DMD: variants seen among roughly 807,000 people sequenced by gnomAD.
The protein encoded by DMD is dystrophin.
DMD carries 63 observed loss-of-function variants against 330.1 expected under a neutral mutation model. The ratio of observed to expected loss-of-function variants is 0.19; its 90% confidence interval spans 0.16 to 0.24. DMD has a LOEUF of 0.24. Among genes scored for constraint, DMD ranks in the 10% least tolerant of loss-of-function variants. The pLI, the probability that DMD is intolerant of heterozygous loss-of-function variation, is 1.00. For missense variants in DMD, 3,344 were observed against 2,684.1 expected (o/e 1.25, Z -5.43); for synonymous variants, 1,223 against 959.8 (o/e 1.27, Z -5.07).
At chrX:31,544,415 G>T (rs1044877144) in intron 55 of DMD, among the ~76,000 whole-genome samples, 1 of 110,540 alleles carries the variant, frequency 9.0e-6, no homozygotes, top group African/African-American at 3.3e-5. Flanking sequence ...AAGCAGGATG[G>T]TCACTCTCAC....
At chrX:32,932,747 GGTTACA>G (rs1399384304) in intron 2 of DMD, among the ~76,000 whole-genome samples, 1 of 111,658 alleles carries the variant, frequency 9.0e-6, no homozygotes, top group African/African-American at 3.3e-5. Flanking sequence ...CAGATCTGCT[GGTTACA>G]GGGTGTATCT....
intron 45 of DMD, among the ~76,000 whole-genome samples, chrX:31,960,197 A>G (rs2095289571): frequency 1.8e-5 from 2 of 110,955 alleles, no homozygotes; most frequent in South Asian, 7.8e-4. Flanking sequence ...AATTTTAATA[A>G]TAAGAATAAC....
At chrX:32,513,455 A>T (rs760689664) in intron 18 of DMD, among the ~76,000 whole-genome samples, 15 of 112,156 alleles carry the variant, frequency 1.3e-4, no homozygotes, top group Non-Finnish European at 2.4e-4. Context: ...AGCTTTAATC[A>T]GGGTTTTGGT....
rs187552993 is a variant in DMD, at chrX:32,472,505, T to G, written c.2804-196A>C. Among the ~76,000 whole-genome samples, 488 of 111,844 alleles carry G rather than the reference T, an allele frequency of 4.4e-3. 3 individuals carry two copies. The highest frequency in any genetic ancestry group is 0.015 in the African/African-American group (463 of 30,788). The stretch of plus-strand genomic sequence containing the variant: ...TGTAATATGCCAGGGACCTTACACA[T>G]ATTACATTAAATTCACAAATCAGCC... On this transcript the variant is annotated intron_variant, in intron 21 of 78. Transcript: ENST00000357033.
intron 41 of DMD, among the ~76,000 whole-genome samples, chrX:32,321,781 G>C (rs891191623): frequency 2.7e-5 from 3 of 111,642 alleles, no homozygotes; most frequent in Non-Finnish European, 5.6e-5. Context: ...CTTTGACTTA[G>C]GCATGAGAGA....
intron 43 of DMD, among the ~76,000 whole-genome samples, chrX:32,224,746 C>T (rs1281226124): frequency 9.0e-6 from 1 of 111,200 alleles, no homozygotes; most frequent in African/African-American, 3.3e-5. Flanking sequence ...CCTAATCCTC[C>T]CTAGGTTGTG....
intron 11 of DMD, among the ~76,000 whole-genome samples, chrX:32,616,930 C>A (rs1249516689): frequency 6.4e-5 from 7 of 109,463 alleles, no homozygotes; most frequent in Non-Finnish European, 1.1e-4. Context: ...TGTTCCTTAT[C>A]TGTGAACTAC....
intron 1 of DMD, among the ~76,000 whole-genome samples, chrX:33,051,075 A>G (rs974625054): frequency 8.9e-6 from 1 of 112,022 alleles, no homozygotes; most frequent in Non-Finnish European, 1.9e-5. Flanking sequence ...CTTTACACCC[A>G]TAATGTAAGT....
rs574386387 is a variant in DMD, at chrX:32,471,658, A to C, written c.2949+506T>G. Among the ~76,000 whole-genome samples, 9 of 112,170 alleles carry C rather than the reference A, an allele frequency of 8.0e-5. No homozygotes were observed. The South Asian group carries it at 3.4e-3, about 42-fold the overall frequency. ...TTATAAGTAATCCAGAGATGAGTTA[A>C]AGTATATGGGAGCATGTTCATAAGT... On this transcript the variant is annotated intron_variant, in intron 22 of 78. Transcript: ENST00000357033.
At chrX:32,880,687 G>A (rs1216156343) in intron 2 of DMD, among the ~76,000 whole-genome samples, 2 of 112,857 alleles carry the variant, frequency 1.8e-5, no homozygotes, top group African/African-American at 6.4e-5. Flanking sequence ...GCTCACGCCT[G>A]TAATCCCAGC....
intron 35 of DMD, 126 bp from the exon 36 acceptor site, chrX:32,364,836 T>C (rs2097848884): frequency 1.2e-6 from 1 of 814,866 alleles, no homozygotes; most frequent in Non-Finnish European, 1.7e-6. Context: ...TAAGTGGTAT[T>C]TTCATATAGA....
chrX:32,732,289 G>C (rs1325299480), intron 7 of DMD, among the ~76,000 whole-genome samples: 1 of 111,197 alleles, frequency 9.0e-6, no homozygotes, highest in Non-Finnish European at 1.9e-5. Flanking sequence ...CGTCTGATTG[G>C]TGTACCTGAA....
chrX:32,737,163 T>C (rs1030323296), intron 7 of DMD, among the ~76,000 whole-genome samples: 1 of 110,066 alleles, frequency 9.1e-6, no homozygotes, highest in Non-Finnish European at 1.9e-5. Context: ...AAAATCTATA[T>C]AATTTTTTTT....
intron 1 of DMD, among the ~76,000 whole-genome samples, chrX:33,208,298 T>C (rs758410009): frequency 2.9e-4 from 32 of 111,877 alleles, no homozygotes; most frequent in South Asian, 1.8e-3. Context: ...TAAAGAAATA[T>C]AACTAGCATC....
At chrX:31,919,123 G>A (rs2094652029) in intron 47 of DMD, among the ~76,000 whole-genome samples, 1 of 111,176 alleles carries the variant, frequency 9.0e-6, no homozygotes, top group African/African-American at 3.3e-5. Flanking sequence ...TCCTTAACCA[G>A]CAGCTCAGTG....
At chrX:32,061,523 G>A (rs2096224975) in intron 44 of DMD, among the ~76,000 whole-genome samples, 1 of 111,348 alleles carries the variant, frequency 9.0e-6, no homozygotes, top group Non-Finnish European at 1.9e-5. Context: ...AAGCATATCG[G>A]CCATTCCTGG....
intron 49 of DMD, among the ~76,000 whole-genome samples, chrX:31,821,403 C>CAA (rs1353731350): frequency 1.8e-5 from 2 of 112,362 alleles, no homozygotes; most frequent in Non-Finnish European, 3.8e-5. Context: ...GTTACCTGAG[C>CAA]ATTTATCATA....
chrX:32,291,534 G>T (rs2097468874), intron 42 of DMD, among the ~76,000 whole-genome samples: 1 of 111,792 alleles, frequency 8.9e-6, no homozygotes, highest in East Asian at 2.8e-4. Context: ...TGGGAAGGAA[G>T]TTTAGGAAAA....
intron 44 of DMD, among the ~76,000 whole-genome samples, chrX:32,178,979 T>TCTCTCC (rs1288976217): frequency 9.7e-6 from 1 of 103,316 alleles, no homozygotes; most frequent in East Asian, 3.0e-4. Flanking sequence ...TCTCTCTCTC[T>TCTCTCC]CTCCCTCTCC....
Sources: allele counts gnomAD v4.1 joint callset (sites outside exome capture counted in the v4.1 genomes callset), GRCh38; gene constraint gnomAD v4.1.1; transcripts MANE v1.5; gene names NCBI Gene and HGNC (gene_info 2026-07-23, HGNC 2026-07-21).